The following PIK3R4 variants were observed in gnomAD, a reference collection of about 807,000 sequenced individuals.
PIK3R4 encodes the protein phosphoinositide 3-kinase regulatory subunit 4.
A neutral mutation model predicts 136.5 loss-of-function variants in PIK3R4; 46 were observed. That is an observed-to-expected ratio of 0.34 (90% CI 0.27 to 0.43). PIK3R4 has a LOEUF of 0.43. PIK3R4 is among the 20% of genes least tolerant of loss of function. The probability of loss-of-function intolerance (pLI) is 1.00; values close to 1 mark genes in which losing one functional copy is unlikely to be tolerated. For missense variants in PIK3R4, 1,331 were observed against 1,649.5 expected (o/e 0.81, Z 3.35); for synonymous variants, 557 against 566.7 (o/e 0.98, Z 0.24).
chr3:130,736,016 G>A lies in PIK3R4; in HGVS notation c.734-14C>T. 1 of 1,588,354 alleles carries A rather than the reference G, an allele frequency of 6.3e-7. No individual in the cohort carries two copies. The stretch of plus-strand genomic sequence containing the variant: ...CTATCACACAACCTGAAAAATAGCA[G>A]GTATAATTCTGTTAGAAAAGAGATA... On this transcript the variant is annotated splice_polypyrimidine_tract_variant and intron_variant, in intron 2 of 19. Transcript: ENST00000356763.
Position 130,703,905 on chromosome 3 carries a change from G to C in PIK3R4, c.2933-17C>G. ...GACGCCATCCTAAGGAAAAGCAAAG[G>C]AGTGTATCATAAACTGTAGTTTACA... On this transcript the variant is annotated splice_polypyrimidine_tract_variant and intron_variant, in intron 12 of 19. Coordinates refer to ENST00000356763, the MANE Select transcript of PIK3R4 (RefSeq NM_014602.3). The C allele has an allele frequency of 6.3e-7, 1 of 1,588,870 alleles. No homozygotes were observed. The highest frequency in any genetic ancestry group is 1.1e-5 in the South Asian group (1 of 89,528).
In PIK3R4 at chr3:130,708,293, C is replaced by T. The variant is rs752219670; in HGVS notation, c.2531G>A (p.Arg844Gln). 9 of 1,611,504 alleles carry T rather than the reference C, an allele frequency of 5.6e-6. No individual in the cohort carries two copies. Among genetic ancestry groups the T allele is most frequent in the Middle Eastern group, 1.7e-4 (1 of 6,050 alleles). ...CACACACAAACAAGCATACTAACCC[C>T]GTTTGTCATCTGGTTCTTGTTTGGT... ...VKTKQEPDDK[R>Q]ARKHVKQDSN... The change falls in exon 10 of 20, where the codon CGG becomes CAG. Residue 844 changes from arginine (R) to glutamine (Q), a missense_variant and splice_region_variant. By Grantham distance (43) the Arg-to-Gln change is conservative (BLOSUM62 1). This residue lies in a region of PIK3R4 where 1,180 missense variants were observed against 1,407.0 expected (regional missense o/e 0.84). Coordinates refer to ENST00000356763, the MANE Select transcript of PIK3R4 (RefSeq NM_014602.3).
rs1576449572 is a variant in PIK3R4, at chr3:130,684,354, C to A, written c.3503G>T (p.Trp1168Leu). The A allele has an allele frequency of 6.2e-7, 1 of 1,613,254 alleles. No individual in the cohort carries two copies. The highest frequency in any genetic ancestry group is 1.7e-5 in the Admixed American group (1 of 59,968). ...AATTGGCAACTGGAACCTCATGTCC[C>A]AACAAGCCATGGTACCACTGCTTGT... Reference protein sequence around the residue: ...IGTSSGTMACWDMRFQLPISS... With the variant: ...IGTSSGTMACLDMRFQLPISS... Residue 1168 changes from tryptophan to leucine, a missense_variant, in exon 16 of 20, where the codon TGG becomes TTG. By Grantham distance (61) the Trp-to-Leu change is moderately conservative. This residue lies in a region of PIK3R4 where 1,180 missense variants were observed against 1,407.0 expected (regional missense o/e 0.84). Coordinates refer to ENST00000356763, the MANE Select transcript of PIK3R4 (RefSeq NM_014602.3).
chr3:130,682,378 T>C (rs538369662), intron 16 of PIK3R4, among the ~76,000 whole-genome samples: 138 of 152,310 alleles, frequency 9.1e-4, no homozygotes, highest in Non-Finnish European at 1.6e-3. Flanking sequence ...AGGAAATAGA[T>C]GTTCCCCTAG....
rs779846548 is a variant in PIK3R4 at position 130,716,551 on chromosome 3, G to A, written c.2176C>T (p.Arg726Cys). 1.4e-5 allele frequency: 22 copies of A among 1,613,754 alleles called. No individual in the cohort carries two copies. Among genetic ancestry groups the A allele is most frequent in the Non-Finnish European group, 1.9e-5 (22 of 1,179,748 alleles). The change falls in exon 9 of 20, where the codon CGT becomes TGT. Residue 726 changes from arginine to cysteine, a missense_variant. Physicochemically the swap from Arg to Cys is radical, Grantham distance 180. This residue lies in a region of PIK3R4 where 1,180 missense variants were observed against 1,407.0 expected (regional missense o/e 0.84). Transcript: ENST00000356763. ...CTCAAAGCATAATCAAATATAGAAC[G>A]ACTTACTGGTTCCTTTAAAACACTG... Reference protein sequence around the residue: ...LLSVLKEPVSRSIFDYALRSK... With the variant: ...LLSVLKEPVSCSIFDYALRSK...
At chr3:130,687,956 G>A (rs1011369169) in intron 14 of PIK3R4, among the ~76,000 whole-genome samples, 4 of 152,064 alleles carry the variant, frequency 2.6e-5, no homozygotes, top group African/African-American at 4.8e-5. Context: ...TCATTGCTAC[G>A]GCAGTGTGCC....
intron 14 of PIK3R4, among the ~76,000 whole-genome samples, chr3:130,688,664 T>C (rs2066501369): frequency 3.3e-5 from 5 of 152,226 alleles, no homozygotes; most frequent in Admixed American, 3.3e-4. Context: ...GTACTAGTTT[T>C]TTTTTGAAGC....
chr3:130,705,549 C>CAT lies in PIK3R4; in HGVS notation c.2932+11_2932+12insAT, dbSNP rs752817161. On this transcript the variant is annotated intron_variant, in intron 12 of 19. Coordinates refer to ENST00000356763, the MANE Select transcript of PIK3R4 (RefSeq NM_014602.3). ...AGACTAGACTACAACTACTTATCAA[C>CAT]GGAACTTTTACCAGGTGGTGGTGGT... 5.7e-6 allele frequency: 9 copies of CAT among 1,573,008 alleles called. No individual in the cohort carries two copies. In the Admixed American group the frequency reaches 1.5e-4, roughly 26 times the overall value.
chr3:130,710,659 G>T (rs1364573214), intron 9 of PIK3R4, among the ~76,000 whole-genome samples: 1 of 151,968 alleles, frequency 6.6e-6, no homozygotes. Flanking sequence ...AACTGTGAAT[G>T]TACAAGTTCA....
chr3:130,745,984 C>T (rs2066851175), intron 1 of PIK3R4, among the ~76,000 whole-genome samples: 1 of 151,448 alleles, frequency 6.6e-6, no homozygotes, highest in African/African-American at 2.4e-5. Flanking sequence ...CCCGCCACCG[C>T]ACTCCAGCCT....
chr3:130,692,084 C>T (rs539341375), intron 13 of PIK3R4, among the ~76,000 whole-genome samples: 6 of 151,888 alleles, frequency 4.0e-5, no homozygotes, highest in African/African-American at 1.4e-4. Context: ...ACCATGTTAG[C>T]CAGAATGGTC....
In PIK3R4 at chr3:130,679,133, T is replaced by TAA; in HGVS notation, c.*180_*181dup. The TAA allele has an allele frequency of 2.7e-6, 1 of 366,888 alleles. No individual in the cohort carries two copies. Among genetic ancestry groups the TAA allele is most frequent in the East Asian group, 4.2e-5 (1 of 23,644 alleles). 22.7% of individuals were successfully genotyped at this position (366,888 alleles called of 1,614,324 possible). A position where few individuals can be genotyped will look rare whatever the true frequency, so the allele number is the denominator to read the frequency against. On this transcript the variant is annotated 3_prime_UTR_variant, in exon 20 of 20. Coordinates refer to ENST00000356763, the MANE Select transcript of PIK3R4 (RefSeq NM_014602.3). ...TGGCTGATTCTTGCAAAGAGATGCA[T>TAA]AAGTAAACTAGTCAAGTACATCTTA...
At chr3:130,741,575 T>C (rs567687707) in intron 2 of PIK3R4, among the ~76,000 whole-genome samples, 27 of 152,352 alleles carry the variant, frequency 1.8e-4, no homozygotes, top group Admixed American at 3.3e-4. Flanking sequence ...GTCTGTATCA[T>C]TCAAATCTCA....
rs1019146546 is a variant in PIK3R4 at position 130,679,154 on chromosome 3, T to C, written c.*161A>G. The C allele has an allele frequency of 2.4e-6, 1 of 415,856 alleles. No individual in the cohort carries two copies. The highest frequency in any genetic ancestry group is 4.2e-6 in the Non-Finnish European group (1 of 237,208). The allele number at this position is 415,856 out of a possible 1,614,324, so 25.8% of individuals were successfully genotyped here. A position where few individuals can be genotyped will look rare whatever the true frequency, so the allele number is the denominator to read the frequency against. ...TGCATAAGTAAACTAGTCAAGTACA[T>C]CTTAACCATTTTGGGTGTCATTTAG... is the stretch of plus-strand genomic sequence containing the variant. On this transcript the variant is annotated 3_prime_UTR_variant, in exon 20 of 20. Coordinates refer to ENST00000356763, the MANE Select transcript of PIK3R4 (RefSeq NM_014602.3).
intron 2 of PIK3R4, among the ~76,000 whole-genome samples, chr3:130,741,649 C>G (rs948422403): frequency 6.6e-6 from 1 of 152,096 alleles, no homozygotes. Context: ...TAGTGCCCTA[C>G]CAGCCTTTTC....
chr3:130,686,782 C>G (rs1401492828), intron 14 of PIK3R4, among the ~76,000 whole-genome samples: 2 of 152,132 alleles, frequency 1.3e-5, no homozygotes, highest in Non-Finnish European at 2.9e-5. Context: ...GGATCCAATC[C>G]AGGATAATAC....
intron 13 of PIK3R4, among the ~76,000 whole-genome samples, chr3:130,702,702 A>G (rs2066581683): frequency 6.6e-6 from 1 of 152,248 alleles, no homozygotes; most frequent in African/African-American, 2.4e-5. Context: ...GAGAGGGAGG[A>G]CAAACTGCAA....
chr3:130,733,085 A>G (rs1335723922), intron 4 of PIK3R4, among the ~76,000 whole-genome samples: 1 of 152,194 alleles, frequency 6.6e-6, no homozygotes, highest in Non-Finnish European at 1.5e-5. Context: ...CAGTACAGTA[A>G]CTGGGAAAAC....
chr3:130,685,091 G>A (rs139753823), intron 15 of PIK3R4, among the ~76,000 whole-genome samples: 88 of 152,224 alleles, frequency 5.8e-4, no homozygotes, highest in African/African-American at 1.9e-3. Flanking sequence ...TTTCTCAAGC[G>A]GCAGGTTCAA....
Sources: allele counts gnomAD v4.1 joint callset (sites outside exome capture counted in the v4.1 genomes callset), GRCh38; gene constraint gnomAD v4.1.1; regional missense constraint gnomAD v4.1.1; transcripts MANE v1.5; gene names NCBI Gene and HGNC (gene_info 2026-07-23, HGNC 2026-07-21).